The following GPR158 variants were observed in gnomAD, a reference collection of about 807,000 sequenced individuals.
GPR158 encodes the protein metabotropic glycine receptor.
Under a neutral mutation model 78.2 loss-of-function variants are expected in GPR158, and 30 were observed. That is an observed-to-expected ratio of 0.38 (90% confidence interval 0.29 to 0.52). The LOEUF is 0.52. Ranked by LOEUF, GPR158 falls within the 20% of genes least tolerant of loss-of-function variation. The pLI is 0.83. For missense variants in GPR158, 1,463 were observed against 1,523.5 expected (o/e 0.96, Z 0.66); for synonymous variants, 581 against 591.1 (o/e 0.98, Z 0.25).
rs1386884458 is a variant in GPR158, at chr10:25,600,989, TA to T, written c.*1716del. 1 of 152,036 alleles carries T rather than the reference TA, an allele frequency of 6.6e-6. No individual in the cohort carries two copies. 9.4% of individuals were successfully genotyped at this position (152,036 alleles called of 1,614,324 possible). A position where few individuals can be genotyped will look rare whatever the true frequency, so the allele number is the denominator to read the frequency against. ...CTTTTTCTCCCTGTAAACACCCAAG[TA>T]TCAACTGCTTATTTGGCCAGGACAC... On this transcript the variant is annotated 3_prime_UTR_variant, in exon 11 of 11. Coordinates refer to ENST00000376351, the MANE Select transcript of GPR158 (RefSeq NM_020752.3).
At chr10:25,273,688 T>G (rs1854146779) in intron 2 of GPR158, among the ~76,000 whole-genome samples, 1 of 152,120 alleles carries the variant, frequency 6.6e-6, no homozygotes, top group South Asian at 2.1e-4. Flanking sequence ...TTTCTTTGTT[T>G]TATTTTTTTG....
At chr10:25,428,951 C>G (rs1834858896) in intron 4 of GPR158, among the ~76,000 whole-genome samples, 1 of 151,920 alleles carries the variant, frequency 6.6e-6, no homozygotes, top group Non-Finnish European at 1.5e-5. Flanking sequence ...TTCTTCGGAG[C>G]CTGTGAAATA....
At chr10:25,448,109 G>C (rs1347109920) in intron 4 of GPR158, among the ~76,000 whole-genome samples, 1 of 144,084 alleles carries the variant, frequency 6.9e-6, no homozygotes, top group Non-Finnish European at 1.5e-5. Context: ...TTTTGAGACG[G>C]AGTCTCGTTC....
intron 2 of GPR158, among the ~76,000 whole-genome samples, chr10:25,324,526 T>C (rs1854999931): frequency 1.3e-5 from 2 of 152,234 alleles, no homozygotes; most frequent in African/African-American, 4.8e-5. Flanking sequence ...ACTTCAAAGA[T>C]CACAGATCAC....
chr10:25,332,892 C>G (rs1336636037), intron 2 of GPR158, among the ~76,000 whole-genome samples: 1 of 152,082 alleles, frequency 6.6e-6, no homozygotes, highest in Non-Finnish European at 1.5e-5. Flanking sequence ...TTCTGGGTTT[C>G]CCCCAGCATT....
At chr10:25,411,676 C>G (rs1010032439) in intron 3 of GPR158, among the ~76,000 whole-genome samples, 9 of 151,904 alleles carry the variant, frequency 5.9e-5, no homozygotes, top group African/African-American at 2.2e-4. Flanking sequence ...TGGCTCACAC[C>G]TATAATCCCA....
chr10:25,579,432 AC>A (rs1043394827), intron 7 of GPR158, among the ~76,000 whole-genome samples: 10 of 152,032 alleles, frequency 6.6e-5, no homozygotes, highest in Admixed American at 3.3e-4. Context: ...AGTATGGGGG[AC>A]CCAAATTTAA....
intron 2 of GPR158, among the ~76,000 whole-genome samples, chr10:25,305,707 T>C (rs1222606624): frequency 6.6e-6 from 1 of 152,108 alleles, no homozygotes; most frequent in African/African-American, 2.4e-5. Flanking sequence ...GCTGAGTGTT[T>C]TTCCACGAGA....
At chr10:25,373,699 T>C (rs1834036807) in intron 2 of GPR158, among the ~76,000 whole-genome samples, 1 of 151,902 alleles carries the variant, frequency 6.6e-6, no homozygotes, top group South Asian at 2.1e-4. Flanking sequence ...AATATAGAAG[T>C]AAATATGTTA....
At chr10:25,564,439 A>T (rs1836902509) in intron 6 of GPR158, among the ~76,000 whole-genome samples, 1 of 152,158 alleles carries the variant, frequency 6.6e-6, no homozygotes, top group Admixed American at 6.6e-5. Context: ...CTTAACCATT[A>T]TTCATTGTCC....
At chr10:25,373,337 G>A (rs927589832) in intron 2 of GPR158, among the ~76,000 whole-genome samples, 3 of 151,834 alleles carry the variant, frequency 2.0e-5, no homozygotes, top group African/African-American at 7.3e-5. Context: ...AAACTGTTCG[G>A]TACTAGGCTT....
intron 2 of GPR158, among the ~76,000 whole-genome samples, chr10:25,230,242 G>T (rs1853430286): frequency 6.6e-6 from 1 of 152,180 alleles, no homozygotes; most frequent in Admixed American, 6.5e-5. Context: ...TAGGAAGAAT[G>T]ATGTGGTTTG....
At chr10:25,180,875 A>AG (rs967895626) in intron 1 of GPR158, among the ~76,000 whole-genome samples, 5 of 152,122 alleles carry the variant, frequency 3.3e-5, no homozygotes, top group African/African-American at 1.2e-4. Flanking sequence ...AGAAAAAAAA[A>AG]AAAGAAAGAA....
chr10:25,457,749 AG>A (rs1835310109), intron 4 of GPR158, among the ~76,000 whole-genome samples: 2 of 152,312 alleles, frequency 1.3e-5, no homozygotes, highest in South Asian at 4.1e-4. Flanking sequence ...AGCTAAGTGA[AG>A]GGTATCCAAA....
chr10:25,186,073 C>G (rs1852680446), intron 1 of GPR158, among the ~76,000 whole-genome samples: 2 of 152,150 alleles, frequency 1.3e-5, no homozygotes, highest in African/African-American at 4.8e-5. Context: ...GAAACTCACT[C>G]AAAACCACTC....
At chr10:25,424,411 G>C (rs1415987624) in intron 4 of GPR158, among the ~76,000 whole-genome samples, 1 of 151,880 alleles carries the variant, frequency 6.6e-6, no homozygotes, top group African/African-American at 2.4e-5. Flanking sequence ...GTCAATTTTG[G>C]CTTTTGTTGC....
In GPR158 at chr10:25,598,605, C is replaced by A; in HGVS notation, c.2979C>A (p.Gly993=). The A allele has an allele frequency of 6.2e-7, 1 of 1,614,080 alleles. No homozygotes were observed. Among genetic ancestry groups the A allele is most frequent in the Non-Finnish European group, 8.5e-7 (1 of 1,179,998 alleles). The change falls in exon 11 of 11, where the codon GGC becomes GGA. Residue 993 remains glycine (G), a synonymous_variant. Transcript: ENST00000376351. ...PTTANSDLNP[G]TTQMKDNFDI... ...CTGCCAATTCTGACCTGAACCCAGG[C>A]ACCACCCAGATGAAGGACAACTTTG...
At chr10:25,410,986 C>A (rs554080936) in intron 3 of GPR158, among the ~76,000 whole-genome samples, 1 of 152,218 alleles carries the variant, frequency 6.6e-6, no homozygotes, top group Admixed American at 6.5e-5. Flanking sequence ...CCTAGAAGAA[C>A]CTCTTTCCCA....
intron 5 of GPR158, among the ~76,000 whole-genome samples, chr10:25,481,620 C>T (rs933993526): frequency 2.6e-5 from 4 of 152,098 alleles, no homozygotes; most frequent in African/African-American, 4.8e-5. Flanking sequence ...TCCCTGATTT[C>T]GATTTTTTGG....
Sources: gnomAD v4.1 joint callset for allele counts (sites outside exome capture counted in the v4.1 genomes callset) on GRCh38, gnomAD v4.1.1 for gene constraint, MANE v1.5 for transcripts, NCBI Gene and HGNC (gene_info 2026-07-23, HGNC 2026-07-21) for gene names.